TBC1D22A: variants seen among roughly 807,000 people sequenced by gnomAD.
TBC1D22A encodes TBC1 domain family member 22A, also known as putative GTPase activator.
TBC1D22A carries 38 observed loss-of-function variants against 60.2 expected under a neutral mutation model. The observed-to-expected ratio is 0.63, with a 90% CI of 0.49 to 0.83. The LOEUF (loss-of-function observed/expected upper bound fraction) is 0.83. TBC1D22A is among the 40% of genes least tolerant of loss of function. The probability of loss-of-function intolerance (pLI) is 0.00; values close to 1 mark genes in which losing one functional copy is unlikely to be tolerated. For synonymous variants in TBC1D22A, 302 were observed against 281.7 expected, an observed-to-expected ratio of 1.07 and a Z score of -0.72; for missense variants, 628 against 701.0, an observed-to-expected ratio of 0.90 and a Z score of 1.18.
At chr22:46,891,162 T>C in intron 5 of TBC1D22A, 104 bp from the exon 6 acceptor site, 1 of 1,291,730 alleles carries the variant, frequency 7.7e-7, no homozygotes, top group Non-Finnish European at 1.0e-6. Flanking sequence ...GATTTCAGAA[T>C]GCCAAGCTTA....
At chr22:46,836,396 A>G (rs1325146215) in intron 4 of TBC1D22A, among the ~76,000 whole-genome samples, 3 of 152,232 alleles carry the variant, frequency 2.0e-5, no homozygotes, top group East Asian at 1.9e-4. Flanking sequence ...AGTTGTTATC[A>G]GCCTAAAATA....
Position 47,138,134 on chromosome 22 carries a change from G to T in TBC1D22A, c.1425+26531G>T, listed in dbSNP as rs140581730. ...TACCTTGTGAGCCGCAGTCCTCGTG[G>T]GATCGTCCAGGTAGCGGCACCTCAC... On this transcript the variant is annotated intron_variant, in intron 12 of 12. Coordinates refer to ENST00000337137, the MANE Select transcript of TBC1D22A (RefSeq NM_014346.5). 1.4e-3 allele frequency among the ~76,000 whole-genome samples: 207 copies of T among 152,326 alleles called. No individual in the cohort carries two copies. The Middle Eastern group carries it at 0.014, about 10-fold the overall frequency.
At chr22:46,778,757 G>T (rs1023237901) in intron 1 of TBC1D22A, among the ~76,000 whole-genome samples, 3 of 126,536 alleles carry the variant, frequency 2.4e-5, no homozygotes, top group African/African-American at 9.5e-5. Context: ...AAAAAGTATA[G>T]TACAATAGGC....
At chr22:47,111,650 G>A (rs745757700) in intron 12 of TBC1D22A, 47 bp downstream of exon 12, 40 of 1,537,628 alleles carry the variant, frequency 2.6e-5, no homozygotes, top group Admixed American at 3.5e-5. Flanking sequence ...TTTTCTACTA[G>A]GAGAGAGGTT....
intron 4 of TBC1D22A, among the ~76,000 whole-genome samples, chr22:46,850,532 G>A (rs1387523341): frequency 1.3e-5 from 2 of 152,212 alleles, no homozygotes; most frequent in Non-Finnish European, 2.9e-5. Context: ...ATTAACAAAT[G>A]TTTGCAAGGC....
intron 8 of TBC1D22A, among the ~76,000 whole-genome samples, chr22:46,920,915 T>C (rs1212508783): frequency 3.3e-5 from 5 of 151,514 alleles, no homozygotes; most frequent in Admixed American, 3.3e-4. Flanking sequence ...GGATTACAGG[T>C]GTGTGCCACC....
intron 1 of TBC1D22A, among the ~76,000 whole-genome samples, chr22:46,781,778 T>C (rs2083949492): frequency 6.6e-6 from 1 of 152,176 alleles, no homozygotes; most frequent in Non-Finnish European, 1.5e-5. Context: ...TCTCCTGTCG[T>C]GGGTTAGAGT....
At chr22:46,823,875 C>A (rs943121702) in intron 4 of TBC1D22A, among the ~76,000 whole-genome samples, 2 of 152,274 alleles carry the variant, frequency 1.3e-5, no homozygotes, top group Admixed American at 1.3e-4. Context: ...GCACACCTGA[C>A]CCCATCCGCA....
At chr22:47,050,551 A>G (rs562138594) in intron 11 of TBC1D22A, among the ~76,000 whole-genome samples, 2 of 152,164 alleles carry the variant, frequency 1.3e-5, no homozygotes, top group Admixed American at 6.5e-5. Context: ...CAGAGTGTTC[A>G]CTGCAGCCAG....
intron 4 of TBC1D22A, among the ~76,000 whole-genome samples, chr22:46,853,407 A>C (rs2087392281): frequency 6.6e-6 from 1 of 152,050 alleles, no homozygotes; most frequent in Non-Finnish European, 1.5e-5. Flanking sequence ...GGAAATCTTG[A>C]ACATTTGAAA....
intron 3 of TBC1D22A, among the ~76,000 whole-genome samples, chr22:46,796,820 C>T (rs2084674612): frequency 6.6e-6 from 1 of 152,176 alleles, no homozygotes; most frequent in African/African-American, 2.4e-5. Context: ...TGCCATCCCT[C>T]ACCTGTCTGG....
chr22:46,840,769 G>A (rs913853492), intron 4 of TBC1D22A, among the ~76,000 whole-genome samples: 4 of 151,790 alleles, frequency 2.6e-5, no homozygotes, highest in Non-Finnish European at 1.5e-5. Flanking sequence ...ACAAGCATTC[G>A]TGAGAATTTG....
intron 10 of TBC1D22A, among the ~76,000 whole-genome samples, chr22:47,015,669 A>G (rs9616198): frequency 0.37 from 56,170 of 152,122 alleles, 11,110 homozygotes; most frequent in African/African-American, 0.52. Context: ...AGCAGCAGCC[A>G]GGAAGCCAGG....
intron 11 of TBC1D22A, among the ~76,000 whole-genome samples, chr22:47,101,494 G>A (rs1363031027): frequency 6.6e-6 from 1 of 152,234 alleles, no homozygotes; most frequent in African/African-American, 2.4e-5. Context: ...CCAATGCAGC[G>A]ACCAGCTGCC....
intron 4 of TBC1D22A, among the ~76,000 whole-genome samples, chr22:46,809,389 C>T (rs189659538): frequency 3.9e-5 from 6 of 152,300 alleles, no homozygotes; most frequent in African/African-American, 7.2e-5. Context: ...TCAGTTACCT[C>T]GTTATAGTCC....
intron 12 of TBC1D22A, among the ~76,000 whole-genome samples, chr22:47,134,516 G>A (rs549746922): frequency 6.6e-6 from 1 of 152,232 alleles, no homozygotes; most frequent in Non-Finnish European, 1.5e-5. Context: ...GACAGGCAGC[G>A]AAACTTGGAG....
rs115272460 is a variant in TBC1D22A at position 46,765,342 on chromosome 22, G to C, written c.62+2494G>C. Reference sequence around the variant, plus strand: ...GTAGTGGTGATTGGTCACTAGCTGCGTATTTATTTAGTCCACACCTATGCA... The same window carrying C: ...GTAGTGGTGATTGGTCACTAGCTGCCTATTTATTTAGTCCACACCTATGCA... On this transcript the variant is annotated intron_variant, in intron 1 of 12. Coordinates refer to ENST00000337137, the MANE Select transcript of TBC1D22A (RefSeq NM_014346.5). 3.5e-3 allele frequency among the ~76,000 whole-genome samples: 538 copies of C among 152,334 alleles called. 5 individuals carry two copies. Among genetic ancestry groups the C allele is most frequent in the African/African-American group, 0.012 (508 of 41,578 alleles).
intron 10 of TBC1D22A, among the ~76,000 whole-genome samples, chr22:47,019,066 A>G (rs1159834720): frequency 6.6e-6 from 1 of 152,178 alleles, no homozygotes; most frequent in Non-Finnish European, 1.5e-5. Flanking sequence ...ACAGTGAGCA[A>G]GGCCAGCCAC....
chr22:46,903,522 C>T (rs1349002748), intron 7 of TBC1D22A, among the ~76,000 whole-genome samples: 1 of 152,188 alleles, frequency 6.6e-6, no homozygotes, highest in African/African-American at 2.4e-5. Flanking sequence ...CTAGCTCTCG[C>T]CTCTGGTTGC....
Sources: gnomAD v4.1 joint callset for allele counts (sites outside exome capture counted in the v4.1 genomes callset) on GRCh38, gnomAD v4.1.1 for gene constraint, MANE v1.5 for transcripts, NCBI Gene and HGNC (gene_info 2026-07-23, HGNC 2026-07-21) for gene names.